Variants in ADAM2 observed in about 807,000 individuals in gnomAD.
ADAM2 encodes the protein ADAM metallopeptidase domain 2, also known as disintegrin and metalloproteinase domain-containing protein 2.
A neutral mutation model predicts 99.3 loss-of-function variants in ADAM2; 101 were observed. That is an observed-to-expected ratio of 1.02 (90% CI 0.87 to 1.20). The LOEUF is 1.20. Among genes scored for constraint, ADAM2 ranks in the 50% most tolerant of loss-of-function variants. The pLI is 0.00. For synonymous variants in ADAM2, 323 were observed against 287.6 expected (o/e 1.12, Z -1.25); for missense variants, 948 against 878.7 (o/e 1.08, Z -1.00).
intron 6 of ADAM2, among the ~76,000 whole-genome samples, chr8:39,816,186 AC>A (rs1804933620): frequency 6.6e-6 from 1 of 152,128 alleles, no homozygotes; most frequent in African/African-American, 2.4e-5. Flanking sequence ...AATACCAGCT[AC>A]TCGGGAGGCT....
chr8:39,830,370 G>A (rs998745763), intron 3 of ADAM2, among the ~76,000 whole-genome samples: 3 of 152,120 alleles, frequency 2.0e-5, no homozygotes, highest in African/African-American at 7.2e-5. Context: ...AAGTGGTATT[G>A]CAAAATAACC....
chr8:39,810,294 A>G (rs886619765), intron 6 of ADAM2, among the ~76,000 whole-genome samples: 5 of 152,346 alleles, frequency 3.3e-5, no homozygotes, highest in Admixed American at 3.3e-4. Context: ...GCAAGTCCTT[A>G]GAGACTACAA....
chr8:39,755,413 G>A (rs369188073), intron 16 of ADAM2, among the ~76,000 whole-genome samples: 6 of 152,284 alleles, frequency 3.9e-5, no homozygotes, highest in South Asian at 2.1e-4. Context: ...AGTGGCTCAC[G>A]CCTGTAATCC....
intron 10 of ADAM2, among the ~76,000 whole-genome samples, 193 bp from the exon 11 acceptor site, chr8:39,777,354 G>A (rs912108989): frequency 2.0e-5 from 3 of 152,020 alleles, no homozygotes; most frequent in African/African-American, 7.2e-5. Context: ...TTATCGGTAT[G>A]TAAATGGATG....
At chr8:39,768,059 TGTCA>T (rs1217297569) in intron 12 of ADAM2, among the ~76,000 whole-genome samples, 1 of 152,102 alleles carries the variant, frequency 6.6e-6, no homozygotes, top group African/African-American at 2.4e-5. Context: ...AGCACAGAGT[TGTCA>T]GTATTTTTCA....
At chr8:39,787,581 ATG>A (rs10557426) in intron 9 of ADAM2, among the ~76,000 whole-genome samples, 105,560 of 149,436 alleles carry the variant, frequency 0.71, 37,873 homozygotes, top group East Asian at 0.87. Context: ...CACATAATAT[ATG>A]TATATATATT....
chr8:39,836,216 C>A (rs1265754881), intron 2 of ADAM2, among the ~76,000 whole-genome samples: 1 of 150,978 alleles, frequency 6.6e-6, no homozygotes, highest in Non-Finnish European at 1.5e-5. Flanking sequence ...TTTTTTTTTA[C>A]TTATTGCAAA....
At chr8:39,821,747 T>C in intron 4 of ADAM2, 85 bp from the exon 5 acceptor site, 1 of 917,540 alleles carries the variant, frequency 1.1e-6, no homozygotes, top group East Asian at 2.6e-5. Flanking sequence ...ATATGTGTTT[T>C]GTTTTTATGC....
chr8:39,825,897 GT>G (rs1805379165), intron 3 of ADAM2, among the ~76,000 whole-genome samples: 1 of 152,072 alleles, frequency 6.6e-6, no homozygotes, highest in East Asian at 1.9e-4. Flanking sequence ...TTTTAGCATT[GT>G]TTTTTATTTA....
intron 3 of ADAM2, among the ~76,000 whole-genome samples, chr8:39,829,747 A>G (rs1222845105): frequency 3.3e-5 from 5 of 152,038 alleles, no homozygotes; most frequent in Non-Finnish European, 7.4e-5. Flanking sequence ...TCAAAATAAG[A>G]TGAAATAAAT....
At chr8:39,754,349 G>T (rs954952682) in intron 16 of ADAM2, among the ~76,000 whole-genome samples, 1 of 152,028 alleles carries the variant, frequency 6.6e-6, no homozygotes, top group African/African-American at 2.4e-5. Flanking sequence ...CCCAATAACT[G>T]CTCTGGATGG....
At chr8:39,803,812 T>A (rs181890125) in intron 7 of ADAM2, among the ~76,000 whole-genome samples, 6 of 152,322 alleles carry the variant, frequency 3.9e-5, no homozygotes, top group Non-Finnish European at 5.9e-5. Flanking sequence ...AAGTAAAACA[T>A]CGACATGTTA....
intron 6 of ADAM2, among the ~76,000 whole-genome samples, chr8:39,820,497 A>C (rs1200271245): frequency 6.6e-6 from 1 of 152,120 alleles, no homozygotes; most frequent in Non-Finnish European, 1.5e-5. Flanking sequence ...GGGGCTATAA[A>C]ACTCCTAAAT....
chr8:39,798,559 G>A (rs1195007538), intron 7 of ADAM2, among the ~76,000 whole-genome samples: 2 of 152,278 alleles, frequency 1.3e-5, no homozygotes, highest in African/African-American at 4.8e-5. Flanking sequence ...TTCATCAAAT[G>A]ACTTAGGGAG....
intron 16 of ADAM2, among the ~76,000 whole-genome samples, chr8:39,751,988 A>G (rs1046378301): frequency 6.6e-6 from 1 of 152,122 alleles, no homozygotes; most frequent in African/African-American, 2.4e-5. Flanking sequence ...TTGTGCCACC[A>G]CGCCCACTTA....
chr8:39,801,313 C>T (rs1237463086), intron 7 of ADAM2, among the ~76,000 whole-genome samples: 5 of 152,110 alleles, frequency 3.3e-5, no homozygotes, highest in African/African-American at 1.2e-4. Flanking sequence ...TCACTTCAGA[C>T]CCTATTCATC....
chr8:39,761,843 A>T (rs901658588), intron 14 of ADAM2, among the ~76,000 whole-genome samples: 1 of 152,170 alleles, frequency 6.6e-6, no homozygotes, highest in Admixed American at 6.5e-5. Context: ...GGACTTTGGG[A>T]GGCCGAGGCG....
intron 15 of ADAM2, 76 bp downstream of exon 15, chr8:39,761,097 CATA>C (rs1802350770): frequency 9.2e-6 from 8 of 872,308 alleles, no homozygotes; most frequent in Admixed American, 2.7e-5. Flanking sequence ...ATTTTGCTTA[CATA>C]AACTTAATTG....
intron 12 of ADAM2, among the ~76,000 whole-genome samples, chr8:39,767,575 G>A (rs554154710): frequency 9.2e-5 from 14 of 152,194 alleles, no homozygotes; most frequent in Admixed American, 5.2e-4. Context: ...AATACAAGAC[G>A]TAAAATAAAC....
Sources: gnomAD v4.1 joint callset for allele counts (sites outside exome capture counted in the v4.1 genomes callset) on GRCh38, gnomAD v4.1.1 for gene constraint, MANE v1.5 for transcripts, NCBI Gene and HGNC (gene_info 2026-07-23, HGNC 2026-07-21) for gene names.